The following CDYL variants were observed in gnomAD, a reference collection of about 807,000 sequenced individuals.
CDYL encodes the protein chromodomain Y-like protein.
CDYL carries 8 observed loss-of-function variants against 47.3 expected under a neutral mutation model. The ratio of observed to expected loss-of-function variants is 0.17; its 90% CI spans 0.10 to 0.31. CDYL has a LOEUF of 0.31. Ranked by LOEUF, CDYL falls within the 10% of genes least tolerant of loss-of-function variation. CDYL has a pLI of 1.00. For synonymous variants in CDYL, 266 were observed against 265.0 expected (o/e 1.00, Z -0.04); for missense variants, 471 against 701.4 (o/e 0.67, Z 3.71).
At chr6:4,951,211 G>T (rs2127529737) in intron 5 of CDYL, among the ~76,000 whole-genome samples, 1 of 152,112 alleles carries the variant, frequency 6.6e-6, no homozygotes, top group East Asian at 1.9e-4. Flanking sequence ...TACCGAAATT[G>T]TGTTTTACCA....
intron 1 of CDYL, among the ~76,000 whole-genome samples, chr6:4,813,346 G>C (rs1759579804): frequency 6.6e-6 from 1 of 152,202 alleles, no homozygotes; most frequent in South Asian, 2.1e-4. Flanking sequence ...ATTCTATCCA[G>C]ATTTGCTGGC....
At chr6:4,853,542 A>G (rs1212206767) in intron 1 of CDYL, among the ~76,000 whole-genome samples, 1 of 151,982 alleles carries the variant, frequency 6.6e-6, no homozygotes, top group Non-Finnish European at 1.5e-5. Context: ...TTTAGTACCA[A>G]GGATAGCTCT....
At chr6:4,829,858 C>T (rs539189470) in intron 1 of CDYL, among the ~76,000 whole-genome samples, 3 of 152,304 alleles carry the variant, frequency 2.0e-5, no homozygotes, top group African/African-American at 7.2e-5. Context: ...GGGACTTTCC[C>T]ACTGGGAATG....
intron 3 of CDYL, among the ~76,000 whole-genome samples, chr6:4,763,590 G>T (rs1389806201): frequency 6.6e-6 from 1 of 152,122 alleles, no homozygotes; most frequent in Admixed American, 6.5e-5. Context: ...GGTTATTACT[G>T]TATATATTTT....
intron 1 of CDYL, among the ~76,000 whole-genome samples, chr6:4,806,485 T>TA (rs1434833510): frequency 3.3e-5 from 5 of 152,250 alleles, no homozygotes; most frequent in Non-Finnish European, 7.3e-5. Context: ...GTAAAAATGA[T>TA]ACAGCATTCT....
intron 1 of CDYL, among the ~76,000 whole-genome samples, chr6:4,779,846 C>T (rs558959903): frequency 2.6e-4 from 40 of 152,314 alleles, no homozygotes; most frequent in Non-Finnish European, 3.5e-4. Context: ...AGTGCAAAAG[C>T]AGTCGTAGAC....
rs575310429 is a variant in CDYL, at chr6:4,716,535, G to A, written c.103+654G>A. 2.7e-5 allele frequency among the ~76,000 whole-genome samples: 4 copies of A among 149,410 alleles called. No homozygotes were observed. In the East Asian group the frequency reaches 7.9e-4, roughly 30 times the overall value. ...TCCTTTCCTTTTCCACTTCCTCCAAGTCAATTGATAGCACACCCTACACTC... is the reference window on the plus strand; with the variant it reads ...TCCTTTCCTTTTCCACTTCCTCCAAATCAATTGATAGCACACCCTACACTC... On this transcript the variant is annotated intron_variant, in intron 2 of 8. Coordinates refer to the CDYL transcript ENST00000328908.
chr6:4,738,856 T>C (rs1757747827), intron 3 of CDYL, among the ~76,000 whole-genome samples: 2 of 152,172 alleles, frequency 1.3e-5, no homozygotes, highest in South Asian at 2.1e-4. Flanking sequence ...CGTAGCGACA[T>C]CAAGGAATTA....
intron 4 of CDYL, 41 bp downstream of exon 4, chr6:4,937,778 T>A (rs768974938): frequency 1.3e-6 from 2 of 1,539,070 alleles, no homozygotes; most frequent in Admixed American, 3.7e-5. Flanking sequence ...GTTGGGTGTT[T>A]TGTTTTTGGT....
At chr6:4,829,241 G>T (rs530305542) in intron 1 of CDYL, among the ~76,000 whole-genome samples, 19 of 151,984 alleles carry the variant, frequency 1.3e-4, no homozygotes, top group African/African-American at 3.1e-4. Context: ...GGATTTTTTT[G>T]TTGTTGTTGT....
At chr6:4,890,729 C>T (rs965529630) in intron 1 of CDYL, among the ~76,000 whole-genome samples, 3 of 152,186 alleles carry the variant, frequency 2.0e-5, no homozygotes, top group African/African-American at 4.8e-5. Context: ...AATGTACTGA[C>T]GTTCTTAATA....
chr6:4,879,354 A>T (rs1328486605), intron 1 of CDYL, among the ~76,000 whole-genome samples: 1 of 152,166 alleles, frequency 6.6e-6, no homozygotes, highest in South Asian at 2.1e-4. Context: ...TGTTGTATTA[A>T]GTGAATACAC....
intron 5 of CDYL, among the ~76,000 whole-genome samples, chr6:4,944,914 C>T (rs1477746357): frequency 1.3e-5 from 2 of 152,158 alleles, no homozygotes; most frequent in Non-Finnish European, 2.9e-5. Context: ...ACACAGCCTT[C>T]GTCGCTGCGT....
At chr6:4,914,341 G>A (rs1425752663) in intron 2 of CDYL, among the ~76,000 whole-genome samples, 3 of 152,016 alleles carry the variant, frequency 2.0e-5, no homozygotes, top group East Asian at 1.9e-4. Flanking sequence ...GGGGTGGCAC[G>A]TCCTCTCCTC....
intron 3 of CDYL, among the ~76,000 whole-genome samples, chr6:4,753,962 A>G (rs1419316989): frequency 6.6e-6 from 1 of 151,890 alleles, no homozygotes; most frequent in African/African-American, 2.4e-5. Flanking sequence ...AATTTGTTTT[A>G]TCTATGTAGT....
At chr6:4,715,129 G>T (rs151294366) in intron 1 of CDYL, among the ~76,000 whole-genome samples, 1 of 152,052 alleles carries the variant, frequency 6.6e-6, no homozygotes, top group Non-Finnish European at 1.5e-5. Context: ...GTGCTTTCTC[G>T]TGCCTCTGTG....
chr6:4,757,471 A>G (rs1313917714), intron 3 of CDYL, among the ~76,000 whole-genome samples: 3 of 152,142 alleles, frequency 2.0e-5, no homozygotes, highest in East Asian at 1.9e-4. Context: ...TCACAGATCC[A>G]TATTACCTCA....
chr6:4,828,056 A>G (rs1760027821), intron 1 of CDYL, among the ~76,000 whole-genome samples: 2 of 152,200 alleles, frequency 1.3e-5, no homozygotes, highest in Non-Finnish European at 1.5e-5. Context: ...TACCATTACC[A>G]GAGAGCTTTA....
intron 2 of CDYL, among the ~76,000 whole-genome samples, chr6:4,921,325 C>T (rs953552129): frequency 1.3e-5 from 2 of 152,292 alleles, no homozygotes; most frequent in Non-Finnish European, 2.9e-5. Flanking sequence ...GGCCCAGCAC[C>T]GGCCTTCTCC....
Sources: allele counts gnomAD v4.1 joint callset (sites outside exome capture counted in the v4.1 genomes callset), GRCh38; gene constraint gnomAD v4.1.1; transcripts MANE v1.5; gene names NCBI Gene and HGNC (gene_info 2026-07-23, HGNC 2026-07-21).